AMBRA1: variants seen among roughly 807,000 people sequenced by gnomAD.
AMBRA1 encodes the protein activating molecule in BECN1-regulated autophagy protein 1.
A neutral mutation model predicts 125.4 loss-of-function variants in AMBRA1; 47 were observed. The observed-to-expected ratio is 0.37, with a 90% CI of 0.30 to 0.48. AMBRA1 has a LOEUF of 0.48. AMBRA1 is among the 20% of genes least tolerant of loss of function. The pLI is 0.99. For synonymous variants in AMBRA1, 626 were observed against 655.5 expected (o/e 0.95, Z 0.69); for missense variants, 1,331 against 1,693.4 (o/e 0.79, Z 3.76).
chr11:46,461,931 A>T (rs1949106217), intron 11 of AMBRA1, among the ~76,000 whole-genome samples: 1 of 152,184 alleles, frequency 6.6e-6, no homozygotes, highest in Non-Finnish European at 1.5e-5. Flanking sequence ...CTTACCCTGA[A>T]AAGAAGAAAG....
At chr11:46,472,738 A>T (rs1460451005) in intron 11 of AMBRA1, among the ~76,000 whole-genome samples, 2 of 152,212 alleles carry the variant, frequency 1.3e-5, no homozygotes, top group African/African-American at 4.8e-5. Context: ...AATAATAAAA[A>T]CACAAATCAC....
Position 46,542,436 on chromosome 11 carries a change from G to A in AMBRA1, c.1581C>T (p.Thr527=). 6.2e-7 allele frequency: 1 copy of A among 1,614,038 alleles called. No individual in the cohort carries two copies. Among genetic ancestry groups the A allele is most frequent in the Non-Finnish European group, 8.5e-7 (1 of 1,180,020 alleles). ...DQSLSGEAPQ[T]QQAQEMLNNN... is the part of the protein sequence containing the mutation. ...TGTTGAGCATTTCCTGGGCCTGTTGGGTCTGGGGAGCTTCCCCACTCAGGC... is the reference window on the plus strand; with the variant it reads ...TGTTGAGCATTTCCTGGGCCTGTTGAGTCTGGGGAGCTTCCCCACTCAGGC... Residue 527 remains threonine, a synonymous_variant, in exon 7 of 18, where the codon ACC becomes ACT. Transcript: ENST00000683756. The surrounding 1 kb of genome is among the most constrained non-coding windows in gnomAD (Gnocchi z 5.9).
intron 9 of AMBRA1, among the ~76,000 whole-genome samples, chr11:46,507,569 G>A (rs954952968): frequency 3.3e-5 from 5 of 151,254 alleles, no homozygotes; most frequent in Non-Finnish European, 4.4e-5. Flanking sequence ...GGCTCTCCCC[G>A]CTGACCACTC....
At chr11:46,561,039 GCAC>G (rs1284252812) in intron 1 of AMBRA1, among the ~76,000 whole-genome samples, 1 of 152,052 alleles carries the variant, frequency 6.6e-6, no homozygotes, top group Non-Finnish European at 1.5e-5. Context: ...CTTCCTGGGA[GCAC>G]CACATTGCCC....
intron 6 of AMBRA1, 23 bp from the exon 7 acceptor site, chr11:46,543,421 G>A (rs940292382): frequency 6.2e-6 from 10 of 1,611,530 alleles, no homozygotes; most frequent in Non-Finnish European, 8.5e-6. Flanking sequence ...CCAGCATGGG[G>A]CAGGGGGTAG....
chr11:46,471,184 G>C (rs557403849), intron 11 of AMBRA1, among the ~76,000 whole-genome samples: 2 of 152,274 alleles, frequency 1.3e-5, no homozygotes, highest in East Asian at 3.9e-4. Context: ...GCTCATGCCT[G>C]TAATCCCAGC....
At chr11:46,399,846 AG>A (rs1349375647) in intron 17 of AMBRA1, among the ~76,000 whole-genome samples, 5 of 152,236 alleles carry the variant, frequency 3.3e-5, no homozygotes, top group African/African-American at 1.2e-4. Flanking sequence ...GAGGGAGAGA[AG>A]GATCTGTCCG....
chr11:46,451,599 G>A (rs909115968), intron 11 of AMBRA1, among the ~76,000 whole-genome samples: 2 of 152,046 alleles, frequency 1.3e-5, no homozygotes, highest in South Asian at 2.1e-4. Flanking sequence ...CTAATTCGGG[G>A]AAGGTAAAAA....
Position 46,396,626 on chromosome 11 carries a change from A to G in AMBRA1, c.*824T>C. ...GAGTCCACATGCAACACCTTAAATC[A>G]CAGACTGAGACCTCACATTCTGACC... On this transcript the variant is annotated 3_prime_UTR_variant, in exon 18 of 18. Transcript: ENST00000683756. 1 of 152,800 alleles carries G rather than the reference A, an allele frequency of 6.5e-6. No individual in the cohort carries two copies. The highest frequency in any genetic ancestry group is 1.5e-5 in the Non-Finnish European group (1 of 68,050). The allele number at this position is 152,800 out of a possible 1,614,324, so 9.5% of individuals were successfully genotyped here.
At position 46,542,971 on chromosome 11, in the gene AMBRA1, A is replaced by G. The variant is rs571458986; in HGVS notation, c.1046T>C (p.Phe349Ser). ...PSFSFVQTEP[F>S]HPPEQASSTQ... ...TGACGAGGCCTGCTCCGGGGGATGG[A>G]AGGGCTCGGTCTGTACAAAAGAAAA... is the stretch of plus-strand genomic sequence containing the variant. Residue 349 changes from phenylalanine to serine, a missense_variant, in exon 7 of 18, where the codon TTC becomes TCC. By Grantham distance (155) the Phe-to-Ser change is radical (BLOSUM62 -2). Coordinates refer to ENST00000683756, the MANE Select transcript of AMBRA1 (RefSeq NM_001387011.1). This position sits in a 1 kb window ranked among gnomAD's most constrained non-coding sequence, Gnocchi z 5.9. 1 of 1,604,318 alleles carries G rather than the reference A, an allele frequency of 6.2e-7. No homozygotes were observed. Among genetic ancestry groups the G allele is most frequent in the South Asian group, 1.1e-5 (1 of 91,062 alleles).
At position 46,581,799 on chromosome 11, in the gene AMBRA1, A is replaced by T. The variant is rs1237982180; in HGVS notation, c.-121+12029T>A. Among the ~76,000 whole-genome samples, 4 of 81,810 alleles carry T rather than the reference A, an allele frequency of 4.9e-5. No homozygotes were observed. In the African/African-American group the frequency reaches 5.5e-4, roughly 11 times the overall value. 53.7% of individuals were successfully genotyped at this position (81,810 alleles called of 152,430 possible). A position where few individuals can be genotyped will look rare whatever the true frequency, so the allele number is the denominator to read the frequency against. Reference sequence around the variant, plus strand: ...TGGGCTACAGAGCAAAACTCCATCAAAAAAAAAAAAAAAAAAAAAAAATCC... The same window carrying T: ...TGGGCTACAGAGCAAAACTCCATCATAAAAAAAAAAAAAAAAAAAAAATCC... On this transcript the variant is annotated intron_variant, in intron 1 of 17. Coordinates refer to ENST00000683756, the MANE Select transcript of AMBRA1 (RefSeq NM_001387011.1).
intron 11 of AMBRA1, among the ~76,000 whole-genome samples, chr11:46,492,086 G>T (rs562518841): frequency 6.6e-6 from 1 of 152,168 alleles, no homozygotes; most frequent in African/African-American, 2.4e-5. Flanking sequence ...ACGTGCCTTC[G>T]GTTAAGCCAC....
At chr11:46,419,907 C>T (rs1946760806) in intron 14 of AMBRA1, among the ~76,000 whole-genome samples, 1 of 151,656 alleles carries the variant, frequency 6.6e-6, no homozygotes, top group Admixed American at 6.6e-5. Context: ...GATCTGAGAA[C>T]ACATGTTCAT....
At chr11:46,452,291 T>C (rs760246563) in intron 11 of AMBRA1, among the ~76,000 whole-genome samples, 2 of 152,202 alleles carry the variant, frequency 1.3e-5, no homozygotes, top group Non-Finnish European at 2.9e-5. Context: ...GATGGTCTAC[T>C]AGTGTCTTAT....
chr11:46,421,465 G>A (rs1018337987), intron 14 of AMBRA1, among the ~76,000 whole-genome samples: 4 of 152,196 alleles, frequency 2.6e-5, no homozygotes, highest in African/African-American at 7.2e-5. Context: ...ACTCTAGTGC[G>A]GTGTGGGAAG....
intron 9 of AMBRA1, among the ~76,000 whole-genome samples, chr11:46,500,754 C>T (rs7949371): frequency 0.43 from 64,517 of 151,598 alleles, 18,335 homozygotes; most frequent in African/African-American, 0.81. Context: ...ATACCCATCA[C>T]CAATATCAAT....
rs1022586670 is a variant in AMBRA1 at position 46,539,909 on chromosome 11, G to A, written c.2072+2036C>T. Among the ~76,000 whole-genome samples the A allele has an allele frequency of 3.3e-5, 5 of 151,982 alleles. No homozygotes were observed. In the South Asian group the frequency reaches 6.2e-4, roughly 19 times the overall value. On this transcript the variant is annotated intron_variant, in intron 7 of 17. Coordinates refer to ENST00000683756, the MANE Select transcript of AMBRA1 (RefSeq NM_001387011.1). ...TGCAGTGGCGTGATCTTGGCTCACC[G>A]CAACCTCCATCTCCTGGGTTCAAGC... is the stretch of plus-strand genomic sequence containing the variant.
chr11:46,580,914 CTT>C (rs2044147101), intron 1 of AMBRA1, among the ~76,000 whole-genome samples: 1 of 152,022 alleles, frequency 6.6e-6, no homozygotes, highest in African/African-American at 2.4e-5. Context: ...ACCTTAGCCT[CTT>C]GAGTAGCTGT....
At chr11:46,498,280 T>C (rs751833192) in intron 9 of AMBRA1, among the ~76,000 whole-genome samples, 1 of 152,152 alleles carries the variant, frequency 6.6e-6, no homozygotes, top group Admixed American at 6.5e-5. Context: ...CACAAATATG[T>C]TGGTATTGCT....
Sources: allele counts gnomAD v4.1 joint callset (sites outside exome capture counted in the v4.1 genomes callset), GRCh38; gene constraint gnomAD v4.1.1; non-coding constraint Gnocchi (gnomAD v3.1); transcripts MANE v1.5; gene names NCBI Gene and HGNC (gene_info 2026-07-23, HGNC 2026-07-21).